MAGEL2: variants seen among roughly 807,000 people sequenced by gnomAD.
The protein encoded by MAGEL2 is MAGE family member L2.
For synonymous variants in MAGEL2, 792 were observed against 721.7 expected, an observed-to-expected ratio of 1.10 and a Z score of -1.56; for missense variants, 1,830 against 1,699.2, an observed-to-expected ratio of 1.08 and a Z score of -1.35.
At position 23,646,888 on chromosome 15, in the gene MAGEL2, TCCTGGA is replaced by T; in HGVS notation, c.849_854del (p.Pro284_Gly285del). On this transcript the variant is annotated inframe_deletion, in exon 1 of 1. Coordinates refer to ENST00000650528, the MANE Select transcript of MAGEL2 (RefSeq NM_019066.5). This position sits in a 1 kb window ranked among gnomAD's most constrained non-coding sequence, Gnocchi z 4.2. ...CACCTGGAGGATGAATCATCAGGAC[TCCTGGA>T]CCTGGAGGCTTGGCCATCGGTGCTC... 6.5e-7 allele frequency: 1 copy of T among 1,536,676 alleles called. No individual in the cohort carries two copies. Among genetic ancestry groups the T allele is most frequent in the South Asian group, 1.2e-5 (1 of 84,044 alleles).
Position 23,644,666 on chromosome 15 carries a change from G to C in MAGEL2, c.3077C>G (p.Ala1026Gly). The change falls in exon 1 of 1, where the codon GCG becomes GGG. Residue 1026 changes from alanine (A) to glycine (G), a missense_variant. Ala to Gly is a moderately conservative substitution (Grantham distance 60). Coordinates refer to ENST00000650528, the MANE Select transcript of MAGEL2 (RefSeq NM_019066.5). ...PLSPLDERAN[A>G]LVQFLLVKDQ... ...CTTGACTAAGAGGAACTGCACCAACGCATTTGCCCTCTCATCCAAGGGAGA... is the reference window on the plus strand; with the variant it reads ...CTTGACTAAGAGGAACTGCACCAACCCATTTGCCCTCTCATCCAAGGGAGA... 6.2e-7 allele frequency: 1 copy of C among 1,613,868 alleles called. No homozygotes were observed. Among genetic ancestry groups the C allele is most frequent in the Non-Finnish European group, 8.5e-7 (1 of 1,179,888 alleles).
chr15:23,645,869 T>C lies in MAGEL2; in HGVS notation c.1874A>G (p.His625Arg). 1.3e-6 allele frequency: 2 copies of C among 1,576,432 alleles called. No individual in the cohort carries two copies. Among genetic ancestry groups the C allele is most frequent in the Non-Finnish European group, 1.7e-6 (2 of 1,161,858 alleles). Reference protein sequence around the residue: ...LAWQAQKAPTHIWQPLPAQEA... With the variant: ...LAWQAQKAPTRIWQPLPAQEA... ...CTGGGCAGGCAGGGGCTGCCAGATG[T>C]GAGTGGGGGCCTTCTGGGCCTGCCA... The change falls in exon 1 of 1, where the codon CAC becomes CGC. Residue 625 changes from histidine to arginine, a missense_variant. Physicochemically the swap from His to Arg is conservative, Grantham distance 29 (BLOSUM62 0). Coordinates refer to ENST00000650528, the MANE Select transcript of MAGEL2 (RefSeq NM_019066.5).
chr15:23,644,542 A>T lies in MAGEL2; in HGVS notation c.3201T>A (p.Asn1067Lys). The change falls in exon 1 of 1, where the codon AAT becomes AAA. Residue 1067 changes from asparagine to lysine, a missense_variant. Physicochemically the swap from Asn to Lys is moderately conservative, Grantham distance 94. Transcript: ENST00000650528. ...ECLDIINRAN[N>K]KLECAFGYQL... ...GATAACCAAAGGCACACTCCAGCTTATTGTTGGCACGGTTGATGATATCTA... is the reference window on the plus strand; with the variant it reads ...GATAACCAAAGGCACACTCCAGCTTTTTGTTGGCACGGTTGATGATATCTA... 6.2e-7 allele frequency: 1 copy of T among 1,613,570 alleles called. No homozygotes were observed.
Position 23,645,321 on chromosome 15 carries a change from A to C in MAGEL2, c.2422T>G (p.Ser808Ala), listed in dbSNP as rs1890372091. ...PASLNAFKGP[S>A]AASETPKSLP... ...GACTTTGGGGTCTCTGAGGCAGCAG[A>C]GGGGCCTTTAAAGGCATTCAGAGAG... The change falls in exon 1 of 1, where the codon TCT (serine) becomes GCT (alanine). Residue 808 changes from serine (S) to alanine (A), a missense_variant. Physicochemically the swap from Ser to Ala is moderately conservative, Grantham distance 99. Transcript: ENST00000650528. 1 of 1,613,866 alleles carries C rather than the reference A, an allele frequency of 6.2e-7. No individual in the cohort carries two copies. Among genetic ancestry groups the C allele is most frequent in the African/African-American group, 1.3e-5 (1 of 74,930 alleles).
At position 23,647,607 on chromosome 15, in the gene MAGEL2, G is replaced by T; in HGVS notation, c.136C>A (p.Pro46Thr). 6.5e-7 allele frequency: 1 copy of T among 1,536,896 alleles called. No individual in the cohort carries two copies. The highest frequency in any genetic ancestry group is 8.7e-7 in the Non-Finnish European group (1 of 1,146,856). The change falls in exon 1 of 1, where the codon CCA becomes ACA. Residue 46 changes from proline to threonine, a missense_variant. Coordinates refer to ENST00000650528, the MANE Select transcript of MAGEL2 (RefSeq NM_019066.5). ...GAAGCCTGCAAGTCAATTGGAGGTG[G>T]ATCCCAAGGGACTGGCGGAGCCCGG... ...SSRAPPVPWD[P>T]PPIDLQASLA...
chr15:23,645,725 G>A lies in MAGEL2; in HGVS notation c.2018C>T (p.Pro673Leu), dbSNP rs1249939836. 2 of 1,563,020 alleles carry A rather than the reference G, an allele frequency of 1.3e-6. No homozygotes were observed. Among genetic ancestry groups the A allele is most frequent in the South Asian group, 1.2e-5 (1 of 82,122 alleles). Reference protein sequence around the residue: ...LPPQQAQASGPQAEVPTLPLQ... With the variant: ...LPPQQAQASGLQAEVPTLPLQ... ...CGGCAGTGTGGGCACCTCCGCTTGCGGACCCGATGCCTGGGCCTGCTGGGG... is the reference window on the plus strand; with the variant it reads ...CGGCAGTGTGGGCACCTCCGCTTGCAGACCCGATGCCTGGGCCTGCTGGGG... The change falls in exon 1 of 1, where the codon CCG (proline) becomes CTG (leucine). Residue 673 changes from proline to leucine, a missense_variant. By Grantham distance (98) the Pro-to-Leu change is moderately conservative. Transcript: ENST00000650528.
chr15:23,644,804 C>T lies in MAGEL2; in HGVS notation c.2939G>A (p.Gly980Asp). ...WEGPSTSRAL[G>D]LSESPGSSLP... is the part of the protein sequence containing the mutation. ...AGAGCTCCCTGGGCTTTCAGAGAGA[C>T]CCAGGGCCCTGGAGGTGCTCGGGCC... is the stretch of plus-strand genomic sequence containing the variant. Residue 980 changes from glycine to aspartate, a missense_variant, in exon 1 of 1, where the codon GGT (glycine) becomes GAT (aspartate). By Grantham distance (94) the Gly-to-Asp change is moderately conservative (BLOSUM62 -1). Coordinates refer to ENST00000650528, the MANE Select transcript of MAGEL2 (RefSeq NM_019066.5). 1 of 1,613,274 alleles carries T rather than the reference C, an allele frequency of 6.2e-7. No homozygotes were observed. Among genetic ancestry groups the T allele is most frequent in the Non-Finnish European group, 8.5e-7 (1 of 1,179,802 alleles).
rs1464103495 is a variant in MAGEL2, at chr15:23,647,434, C to T, written c.309G>A (p.Pro103=). Residue 103 remains proline (P), a synonymous_variant, in exon 1 of 1, where the codon CCG becomes CCA. Transcript: ENST00000650528. The stretch of plus-strand genomic sequence containing the variant: ...GATGCACCATCAGGACCCCGGGAGT[C>T]GGAGGCTTACCCATCGGGCCCCCCA... The part of the protein sequence containing the change: ...PPLGGPMGKP[P]TPGVLMVHPP... 3.9e-6 allele frequency: 6 copies of T among 1,535,644 alleles called. No homozygotes were observed. The highest frequency in any genetic ancestry group is 1.4e-5 in the African/African-American group (1 of 73,030).
chr15:23,645,925 G>T lies in MAGEL2; in HGVS notation c.1818C>A (p.Phe606Leu). 1 of 1,571,230 alleles carries T rather than the reference G, an allele frequency of 6.4e-7. No homozygotes were observed. Among genetic ancestry groups the T allele is most frequent in the East Asian group, 2.3e-5 (1 of 42,710 alleles). ...GCGCCTGTGTCTGCTGCACCTCCTG[G>T]AATTCCATTGACGTTGGAATCTCGT... Reference protein sequence around the residue: ...VPHEIPTSMEFQEVQQTQALA... With the variant: ...VPHEIPTSMELQEVQQTQALA... The change falls in exon 1 of 1, where the codon TTC becomes TTA. Residue 606 changes from phenylalanine to leucine, a missense_variant. Coordinates refer to ENST00000650528, the MANE Select transcript of MAGEL2 (RefSeq NM_019066.5).
Position 23,646,745 on chromosome 15 carries a change from G to C in MAGEL2, c.998C>G (p.Ala333Gly). 6.5e-7 allele frequency: 1 copy of C among 1,534,708 alleles called. No individual in the cohort carries two copies. The highest frequency in any genetic ancestry group is 8.7e-7 in the Non-Finnish European group (1 of 1,146,084). The change falls in exon 1 of 1, where the codon GCT becomes GGT. Residue 333 changes from alanine to glycine, a missense_variant. Coordinates refer to ENST00000650528, the MANE Select transcript of MAGEL2 (RefSeq NM_019066.5). The surrounding 1 kb of genome is among the most constrained non-coding windows in gnomAD (Gnocchi z 4.2). Reference protein sequence around the residue: ...AQPMASWAPQAQPLILQIQSQ... With the variant: ...AQPMASWAPQGQPLILQIQSQ... The stretch of plus-strand genomic sequence containing the variant: ...CTGGATTTGCAGGATCAGAGGCTGA[G>C]CCTGCGGGGCCCAAGAAGCCATCGG...
Position 23,646,066 on chromosome 15 carries a change from C to T in MAGEL2, c.1677G>A (p.Pro559=), listed in dbSNP as rs2140715303. ...TQVPAAPPAG[P]QVPQPVLPAP... is the part of the protein sequence containing the mutation. ...CCGGCAGCACAGGCTGGGGCACCTGCGGGCCAGCGGGCGGCGCCGCGGGTA... is the reference window on the plus strand; with the variant it reads ...CCGGCAGCACAGGCTGGGGCACCTGTGGGCCAGCGGGCGGCGCCGCGGGTA... The change falls in exon 1 of 1, where the codon CCG becomes CCA. Residue 559 remains proline, a synonymous_variant. Coordinates refer to ENST00000650528, the MANE Select transcript of MAGEL2 (RefSeq NM_019066.5). The surrounding 1 kb of genome is among the most constrained non-coding windows in gnomAD (Gnocchi z 4.2). 5 of 1,494,326 alleles carry T rather than the reference C, an allele frequency of 3.3e-6. No individual in the cohort carries two copies. The highest frequency in any genetic ancestry group is 4.4e-6 in the Non-Finnish European group (5 of 1,125,424). 92.6% of individuals were successfully genotyped at this position (1,494,326 alleles called of 1,614,324 possible). A position where few individuals can be genotyped will look rare whatever the true frequency, so the allele number is the denominator to read the frequency against.
In MAGEL2 at chr15:23,647,239, C is replaced by T. The variant is rs757734525; in HGVS notation, c.504G>A (p.Pro168=). The change falls in exon 1 of 1, where the codon CCG becomes CCA. Residue 168 remains proline (P), a synonymous_variant. Coordinates refer to ENST00000650528, the MANE Select transcript of MAGEL2 (RefSeq NM_019066.5). ...PMAHPPPPGT[P]MAHPPPPGTP... is the part of the protein sequence containing the mutation. ...TCCCCGGAGGAGGAGGATGGGCCATCGGGGTCCCCGGAGGAGGAGGATGGG... is the reference window on the plus strand; with the variant it reads ...TCCCCGGAGGAGGAGGATGGGCCATTGGGGTCCCCGGAGGAGGAGGATGGG... The T allele has an allele frequency of 7.2e-6, 11 of 1,525,878 alleles. No individual in the cohort carries two copies. Among genetic ancestry groups the T allele is most frequent in the African/African-American group, 4.1e-5 (3 of 72,788 alleles). 94.5% of individuals were successfully genotyped at this position (1,525,878 alleles called of 1,614,324 possible).
Position 23,646,904 on chromosome 15 carries a change from T to C in MAGEL2, c.839A>G (p.Lys280Arg), listed in dbSNP as rs1469575623. ...QPQPSGAPMA[K>R]PPGPGVLMIH... ...CATCAGGACTCCTGGACCTGGAGGC[T>C]TGGCCATCGGTGCTCCTGAAGGCTG... The change falls in exon 1 of 1, where the codon AAG becomes AGG. Residue 280 changes from lysine (K) to arginine (R), a missense_variant. By Grantham distance (26) the Lys-to-Arg change is conservative. Coordinates refer to ENST00000650528, the MANE Select transcript of MAGEL2 (RefSeq NM_019066.5). This position sits in a 1 kb window ranked among gnomAD's most constrained non-coding sequence, Gnocchi z 4.2. The C allele has an allele frequency of 6.5e-7, 1 of 1,536,984 alleles. No homozygotes were observed. The highest frequency in any genetic ancestry group is 8.7e-7 in the Non-Finnish European group (1 of 1,146,862).
At position 23,644,547 on chromosome 15, in the gene MAGEL2, T is replaced by C. The variant is rs1036070963; in HGVS notation, c.3196A>G (p.Asn1066Asp). Residue 1066 changes from asparagine (N) to aspartate (D), a missense_variant, in exon 1 of 1, where the codon AAC (asparagine) becomes GAC (aspartate). Physicochemically the swap from Asn to Asp is conservative, Grantham distance 23. Transcript: ENST00000650528. ...DECLDIINRA[N>D]NKLECAFGYQ... ...CCAAAGGCACACTCCAGCTTATTGT[T>C]GGCACGGTTGATGATATCTAAGCAC... The C allele has an allele frequency of 2.5e-6, 4 of 1,613,942 alleles. No homozygotes were observed. The highest frequency in any genetic ancestry group is 3.4e-6 in the Non-Finnish European group (4 of 1,179,876).
In MAGEL2 at chr15:23,646,945, G is replaced by A. The variant is rs2140717590; in HGVS notation, c.798C>T (p.Ala266=). 1 of 1,536,810 alleles carries A rather than the reference G, an allele frequency of 6.5e-7. No individual in the cohort carries two copies. Among genetic ancestry groups the A allele is most frequent in the East Asian group, 2.4e-5 (1 of 40,878 alleles). Residue 266 remains alanine, a synonymous_variant, in exon 1 of 1, where the codon GCC becomes GCT. Transcript: ENST00000650528. This position sits in a 1 kb window ranked among gnomAD's most constrained non-coding sequence, Gnocchi z 4.2. The stretch of plus-strand genomic sequence containing the variant: ...CTGAAGGCTGAGGCTGGGTCATCAT[G>A]GCTGCTGGAGGCGGCTGGACCATCG... The part of the protein sequence containing the change: ...GAPMVQPPPA[A]MMTQPQPSGA...
Position 23,647,747 on chromosome 15 carries a change from C to G in MAGEL2, c.-5G>C, listed in dbSNP as rs1209023569. 6.9e-6 allele frequency: 10 copies of G among 1,445,160 alleles called. No individual in the cohort carries two copies. Among genetic ancestry groups the G allele is most frequent in the Admixed American group, 2.8e-5 (1 of 35,660 alleles). The allele number at this position is 1,445,160 out of a possible 1,614,324, so 89.5% of individuals were successfully genotyped here. A position where few individuals can be genotyped will look rare whatever the true frequency, so the allele number is the denominator to read the frequency against. On this transcript the variant is annotated 5_prime_UTR_variant, in exon 1 of 1. Coordinates refer to ENST00000650528, the MANE Select transcript of MAGEL2 (RefSeq NM_019066.5). ...ATTCTTACTTAGCTGCGACATGTCC[C>G]TTTGCTGACAGCTGGTGGGTCTTTT...
In MAGEL2 at chr15:23,645,694, C is replaced by T. The variant is rs779044557; in HGVS notation, c.2049G>A (p.Gln683=). The T allele has an allele frequency of 1.3e-6, 2 of 1,557,618 alleles. No individual in the cohort carries two copies. The highest frequency in any genetic ancestry group is 1.7e-6 in the Non-Finnish European group (2 of 1,154,684). ...CTGCAGGCGGTGCCTGCCAGGAAGG[C>T]TGGAGCGGCAGTGTGGGCACCTCCG... ...PQAEVPTLPL[Q]PSWQAPPAVL... is the part of the protein sequence containing the mutation. The change falls in exon 1 of 1, where the codon CAG becomes CAA. Residue 683 remains glutamine, a synonymous_variant. Coordinates refer to ENST00000650528, the MANE Select transcript of MAGEL2 (RefSeq NM_019066.5).
chr15:23,645,459 C>T lies in MAGEL2; in HGVS notation c.2284G>A (p.Val762Met), dbSNP rs1890375857. The T allele has an allele frequency of 3.7e-6, 6 of 1,613,988 alleles. No homozygotes were observed. The highest frequency in any genetic ancestry group is 4.2e-6 in the Non-Finnish European group (5 of 1,179,904). The change falls in exon 1 of 1, where the codon GTG becomes ATG. Residue 762 changes from valine (V) to methionine (M), a missense_variant. Transcript: ENST00000650528. ...FAATFCAPKA[V>M]SAARAHLPAA... is the part of the protein sequence containing the mutation. The stretch of plus-strand genomic sequence containing the variant: ...GGCAGGTGTGCTCGCGCAGCTGACA[C>T]TGCCTTGGGAGCACAGAAGGTGGCA...
rs775282433 is a variant in MAGEL2, at chr15:23,645,419, T to A, written c.2324A>T (p.Asn775Ile). ...ARAHLPAAWK[N>I]LPATPETFAP... ...AAAGGTCTCCGGTGTGGCAGGCAGG[T>A]TTTTCCAGGCAGCTGGCAGGTGTGC... Residue 775 changes from asparagine (N) to isoleucine (I), a missense_variant, in exon 1 of 1, where the codon AAC (asparagine) becomes ATC (isoleucine). Physicochemically the swap from Asn to Ile is moderately radical, Grantham distance 149. Coordinates refer to ENST00000650528, the MANE Select transcript of MAGEL2 (RefSeq NM_019066.5). The A allele has an allele frequency of 6.2e-7, 1 of 1,612,582 alleles. No individual in the cohort carries two copies. Among genetic ancestry groups the A allele is most frequent in the Non-Finnish European group, 8.5e-7 (1 of 1,179,540 alleles).
Sources: allele counts gnomAD v4.1 joint callset, GRCh38; gene constraint gnomAD v4.1.1; non-coding constraint Gnocchi (gnomAD v3.1); transcripts MANE v1.5; gene names NCBI Gene and HGNC (gene_info 2026-07-23, HGNC 2026-07-21).